LDB2: variants seen among roughly 807,000 people sequenced by gnomAD.
The protein encoded by LDB2 is LIM domain-binding protein 2.
In LDB2, 12 loss-of-function variants were observed where a neutral mutation model predicts 44.3. The observed-to-expected ratio is 0.27, with a 90% CI of 0.17 to 0.44. LDB2 has a LOEUF of 0.44. Among genes scored for constraint, LDB2 ranks in the 20% least tolerant of loss-of-function variants. LDB2 has a pLI of 1.00. For missense variants in LDB2, 344 were observed against 473.5 expected (o/e 0.73, Z 2.54); for synonymous variants, 164 against 174.8 (o/e 0.94, Z 0.49).
chr4:16,741,233 C>A (rs1009163285), intron 2 of LDB2, among the ~76,000 whole-genome samples: 1 of 152,162 alleles, frequency 6.6e-6, no homozygotes, highest in African/African-American at 2.4e-5. Flanking sequence ...TACGGTTTGT[C>A]AACATGTGAC....
chr4:16,708,224 AT>A (rs1412752897), intron 2 of LDB2, among the ~76,000 whole-genome samples: 2 of 152,154 alleles, frequency 1.3e-5, no homozygotes, highest in Non-Finnish European at 2.9e-5. Context: ...ACACACACCT[AT>A]AAACTCAGCT....
At chr4:16,606,415 T>G (rs1268616655) in intron 2 of LDB2, among the ~76,000 whole-genome samples, 1 of 152,224 alleles carries the variant, frequency 6.6e-6, no homozygotes, top group Non-Finnish European at 1.5e-5. Flanking sequence ...TTCAAAATGC[T>G]GTTACCAATT....
At chr4:16,588,299 C>T (rs577601033) in intron 4 of LDB2, among the ~76,000 whole-genome samples, 11 of 152,254 alleles carry the variant, frequency 7.2e-5, no homozygotes, top group African/African-American at 2.6e-4. Flanking sequence ...TCCCATGTCT[C>T]GTCAGATGGT....
intron 5 of LDB2, among the ~76,000 whole-genome samples, chr4:16,577,383 G>A (rs112197902): frequency 3.0e-4 from 45 of 152,116 alleles, no homozygotes; most frequent in African/African-American, 8.9e-4. Flanking sequence ...GTAAAGTTGC[G>A]CAATACAAAA....
chr4:16,621,772 T>A (rs1257453783), intron 2 of LDB2, among the ~76,000 whole-genome samples: 1 of 152,144 alleles, frequency 6.6e-6, no homozygotes, highest in Admixed American at 6.5e-5. Context: ...TTGCCCAGGC[T>A]AGTCAATAAC....
chr4:16,560,787 T>A (rs1161423950), intron 5 of LDB2, among the ~76,000 whole-genome samples: 1 of 152,042 alleles, frequency 6.6e-6, no homozygotes, highest in Non-Finnish European at 1.5e-5. Flanking sequence ...TAGACCAATA[T>A]CCTTGACGAA....
At chr4:16,561,427 CACAA>C (rs1313438210) in intron 5 of LDB2, among the ~76,000 whole-genome samples, 5 of 152,030 alleles carry the variant, frequency 3.3e-5, no homozygotes, top group African/African-American at 9.7e-5. Context: ...ACCCATAACA[CACAA>C]ACAGAGAGCC....
At chr4:16,761,685 C>T (rs1462380565) in intron 1 of LDB2, among the ~76,000 whole-genome samples, 1 of 152,156 alleles carries the variant, frequency 6.6e-6, no homozygotes, top group Non-Finnish European at 1.5e-5. Context: ...AAGTGCTCCT[C>T]AAAGGGAGTG....
chr4:16,611,781 C>T (rs1301769412), intron 2 of LDB2, among the ~76,000 whole-genome samples: 1 of 152,122 alleles, frequency 6.6e-6, no homozygotes, highest in Non-Finnish European at 1.5e-5. Context: ...TTTAACACCC[C>T]ACTGTCAGTA....
intron 3 of LDB2, among the ~76,000 whole-genome samples, chr4:16,594,972 A>G (rs1371417542): frequency 6.6e-6 from 1 of 152,212 alleles, no homozygotes; most frequent in Non-Finnish European, 1.5e-5. Flanking sequence ...GATTATCTGT[A>G]GTGTTCCAGA....
chr4:16,846,817 A>C lies in LDB2; in HGVS notation c.132+51537T>G, dbSNP rs943297657. On this transcript the variant is annotated intron_variant, in intron 1 of 7. Coordinates refer to ENST00000304523, the MANE Select transcript of LDB2 (RefSeq NM_001290.5). ...GGACAATGCAAAAGAGCAGGCAAAGAGTGCTTTGTCACAAAAATATATAAT... is the reference window on the plus strand; with the variant it reads ...GGACAATGCAAAAGAGCAGGCAAAGCGTGCTTTGTCACAAAAATATATAAT... Among the ~76,000 whole-genome samples the C allele has an allele frequency of 9.2e-5, 14 of 152,206 alleles. No individual in the cohort carries two copies. In the South Asian group the frequency reaches 1.0e-3, roughly 11 times the overall value.
At chr4:16,782,038 C>G (rs1773356771) in intron 1 of LDB2, among the ~76,000 whole-genome samples, 1 of 152,190 alleles carries the variant, frequency 6.6e-6, no homozygotes, top group African/African-American at 2.4e-5. Flanking sequence ...TTTCAAGCCA[C>G]CAGTGTGTGG....
chr4:16,876,957 G>C (rs1222245909), intron 1 of LDB2, among the ~76,000 whole-genome samples: 6 of 151,576 alleles, frequency 4.0e-5, no homozygotes, highest in African/African-American at 1.2e-4. Flanking sequence ...ACACAGACTG[G>C]AGTGCAGTGG....
chr4:16,579,471 TA>T (rs1280476491), intron 5 of LDB2, among the ~76,000 whole-genome samples: 1 of 152,172 alleles, frequency 6.6e-6, no homozygotes, highest in African/African-American at 2.4e-5. Context: ...GAAAATACCA[TA>T]ATGACATTTA....
At chr4:16,650,582 A>C (rs578125766) in intron 2 of LDB2, among the ~76,000 whole-genome samples, 2 of 152,346 alleles carry the variant, frequency 1.3e-5, no homozygotes, top group Admixed American at 1.3e-4. Context: ...TCTACTTATA[A>C]CATTTAATAA....
intron 2 of LDB2, among the ~76,000 whole-genome samples, chr4:16,694,161 T>G (rs1292531847): frequency 1.3e-5 from 2 of 152,236 alleles, no homozygotes; most frequent in Non-Finnish European, 2.9e-5. Flanking sequence ...TGAGAAAGCT[T>G]CTTCAGTTGG....
chr4:16,637,358 T>C (rs7693848), intron 2 of LDB2, among the ~76,000 whole-genome samples: 94,788 of 142,286 alleles, frequency 0.67, 31,964 homozygotes, highest in Middle Eastern at 0.82. Context: ...GGTGTCTTTT[T>C]CTCTAAGTGG....
chr4:16,875,779 A>G (rs1018898437), intron 1 of LDB2, among the ~76,000 whole-genome samples: 3 of 152,196 alleles, frequency 2.0e-5, no homozygotes, highest in Non-Finnish European at 2.9e-5. Context: ...AGCCAAAGGC[A>G]TGGTATAACT....
chr4:16,858,550 G>A (rs1354667311), intron 1 of LDB2, among the ~76,000 whole-genome samples: 2 of 152,138 alleles, frequency 1.3e-5, no homozygotes, highest in African/African-American at 4.8e-5. Flanking sequence ...TCCATTTTCT[G>A]ATCAGATAAC....
Sources: allele counts gnomAD v4.1 joint callset (sites outside exome capture counted in the v4.1 genomes callset), GRCh38; gene constraint gnomAD v4.1.1; transcripts MANE v1.5; gene names NCBI Gene and HGNC (gene_info 2026-07-23, HGNC 2026-07-21).